LMX1B: variants seen among roughly 807,000 people sequenced by gnomAD.
LMX1B encodes the protein LIM homeobox transcription factor 1 beta, also known as LIM homeobox transcription factor 1-beta.
A neutral mutation model predicts 51.4 loss-of-function variants in LMX1B; 12 were observed. The ratio of observed to expected loss-of-function variants is 0.23; its 90% CI spans 0.15 to 0.38. LMX1B has a LOEUF of 0.38. LMX1B is among the 10% of genes least tolerant of loss of function. The pLI, the probability that LMX1B is intolerant of heterozygous loss-of-function variation, is 1.00. For synonymous variants in LMX1B, 237 were observed against 235.4 expected (o/e 1.01, Z -0.06); for missense variants, 445 against 571.1 (o/e 0.78, Z 2.25).
rs1272760472 is a variant in LMX1B at position 126,698,518 on chromosome 9, G to C, written c.*2067G>C. 1 of 152,270 alleles carries C rather than the reference G, an allele frequency of 6.6e-6. No homozygotes were observed. The highest frequency in any genetic ancestry group is 1.5e-5 in the Non-Finnish European group (1 of 68,080). The allele number at this position is 152,270 out of a possible 1,614,324, so 9.4% of individuals were successfully genotyped here. A position where few individuals can be genotyped will look rare whatever the true frequency, so the allele number is the denominator to read the frequency against. On this transcript the variant is annotated 3_prime_UTR_variant, in exon 8 of 8. Coordinates refer to ENST00000373474, the MANE Select transcript of LMX1B (RefSeq NM_001174147.2). Reference sequence around the variant, plus strand: ...TGCACTAGATCCATCCCCAGCCCCAGTCTGCTCAACTCTATCCCTGTCAGA... The same window carrying C: ...TGCACTAGATCCATCCCCAGCCCCACTCTGCTCAACTCTATCCCTGTCAGA...
intron 2 of LMX1B, among the ~76,000 whole-genome samples, chr9:126,660,941 TCAGAA>T (rs1836232153): frequency 6.6e-6 from 1 of 151,612 alleles, no homozygotes; most frequent in Admixed American, 6.6e-5. Flanking sequence ...TGCTGGAGAG[TCAGAA>T]CAGGAGTGCT....
rs896398112 is a variant in LMX1B, at chr9:126,641,806, C to G, written c.326+26237C>G. Among the ~76,000 whole-genome samples, 1 of 152,198 alleles carries G rather than the reference C, an allele frequency of 6.6e-6. No homozygotes were observed. The highest frequency in any genetic ancestry group is 1.5e-5 in the Non-Finnish European group (1 of 68,030). On this transcript the variant is annotated intron_variant, in intron 2 of 7. Coordinates refer to ENST00000373474, the MANE Select transcript of LMX1B (RefSeq NM_001174147.2). The surrounding 1 kb of genome is among the most constrained non-coding windows in gnomAD (Gnocchi z 4.1). Reference sequence around the variant, plus strand: ...CCTTCCACACAGCTGCTGTCCACAGCACCCAGCCTCTTGCCACTCACGCGT... The same window carrying G: ...CCTTCCACACAGCTGCTGTCCACAGGACCCAGCCTCTTGCCACTCACGCGT...
At chr9:126,627,156 T>A (rs1301480577) in intron 2 of LMX1B, among the ~76,000 whole-genome samples, 3 of 152,224 alleles carry the variant, frequency 2.0e-5, no homozygotes, top group African/African-American at 7.2e-5. Flanking sequence ...CAGAGTGGCC[T>A]CTGAGTAGGG....
intron 2 of LMX1B, among the ~76,000 whole-genome samples, chr9:126,686,432 G>A (rs2029886648): frequency 6.6e-6 from 1 of 152,200 alleles, no homozygotes; most frequent in Admixed American, 6.5e-5. Context: ...AGGATATGGA[G>A]ATATCTTCTC....
At chr9:126,684,155 A>G (rs1290521348) in intron 2 of LMX1B, among the ~76,000 whole-genome samples, 1 of 152,156 alleles carries the variant, frequency 6.6e-6, no homozygotes, top group Admixed American at 6.5e-5. Flanking sequence ...GGAGGGAGGA[A>G]GGTGTTTCCA....
chr9:126,620,178 C>G (rs2118835368), intron 2 of LMX1B, among the ~76,000 whole-genome samples: 1 of 152,314 alleles, frequency 6.6e-6, no homozygotes, highest in South Asian at 2.1e-4. Context: ...CCATGAGCCT[C>G]TCCATGCAGG....
intron 2 of LMX1B, among the ~76,000 whole-genome samples, chr9:126,647,636 G>A (rs1400841455): frequency 6.6e-6 from 1 of 152,200 alleles, no homozygotes; most frequent in Non-Finnish European, 1.5e-5. Flanking sequence ...GTGCTTCAGG[G>A]GGAAATCCAT....
rs956186929 is a variant in LMX1B at position 126,649,828 on chromosome 9, A to G, written c.326+34259A>G. ...TTTTGTGTAGAGACCAGGTTTCGCC[A>G]TCTTTCCCAGGCTAGTCTCAAACTC... On this transcript the variant is annotated intron_variant, in intron 2 of 7. Transcript: ENST00000373474. Among the ~76,000 whole-genome samples, 2 of 152,068 alleles carry G rather than the reference A, an allele frequency of 1.3e-5. 1 individual carries two copies. The highest frequency in any genetic ancestry group is 4.2e-4 in the South Asian group (2 of 4,814).
chr9:126,628,121 C>T (rs957151938), intron 2 of LMX1B, among the ~76,000 whole-genome samples: 1 of 152,222 alleles, frequency 6.6e-6, no homozygotes, highest in African/African-American at 2.4e-5. Context: ...AGGACAGTGC[C>T]ACATCCCACC....
At chr9:126,652,079 C>A (rs1222182112) in intron 2 of LMX1B, among the ~76,000 whole-genome samples, 1 of 151,730 alleles carries the variant, frequency 6.6e-6, no homozygotes, top group Non-Finnish European at 1.5e-5. Flanking sequence ...AGGGTCCTCA[C>A]AACAGAGATC....
intron 2 of LMX1B, among the ~76,000 whole-genome samples, chr9:126,643,145 C>G (rs1332932708): frequency 6.6e-6 from 1 of 152,146 alleles, no homozygotes; most frequent in Non-Finnish European, 1.5e-5. Context: ...GACTTGTGTG[C>G]ACAGCTGGGG....
intron 7 of LMX1B, 65 bp downstream of exon 7, chr9:126,696,068 G>A (rs1190573158): frequency 7.9e-7 from 1 of 1,273,818 alleles, no homozygotes; most frequent in East Asian, 3.6e-5. Context: ...GGCCAGGCAG[G>A]CCTGGGGCCA....
In LMX1B at chr9:126,692,843, G is replaced by A. The variant is rs562320184; in HGVS notation, c.560-299G>A. On this transcript the variant is annotated intron_variant, in intron 3 of 7. Coordinates refer to ENST00000373474, the MANE Select transcript of LMX1B (RefSeq NM_001174147.2). ...GTGCATGCCTGTGCTGTGGTTGTCCGAGGCGCACCTGTGTGAGTTCCTGTG... is the reference window on the plus strand; with the variant it reads ...GTGCATGCCTGTGCTGTGGTTGTCCAAGGCGCACCTGTGTGAGTTCCTGTG... 8.5e-5 allele frequency among the ~76,000 whole-genome samples: 13 copies of A among 152,356 alleles called. No homozygotes were observed. The East Asian group carries it at 1.9e-3, about 23-fold the overall frequency.
intron 2 of LMX1B, among the ~76,000 whole-genome samples, chr9:126,667,072 A>G (rs994727088): frequency 6.6e-6 from 1 of 152,226 alleles, no homozygotes; most frequent in Admixed American, 6.5e-5. Context: ...GCAGAAGTCA[A>G]ACAAAATGGG....
intron 2 of LMX1B, among the ~76,000 whole-genome samples, chr9:126,657,150 A>G (rs899156219): frequency 1.3e-5 from 2 of 152,236 alleles, no homozygotes; most frequent in Non-Finnish European, 2.9e-5. Flanking sequence ...ATTTTGAAAA[A>G]GTAAAATAAG....
Position 126,652,868 on chromosome 9 carries a change from A to G in LMX1B, c.326+37299A>G, listed in dbSNP as rs186364811. ...GGACAATGGGGAAGAGGCTCCATGG[A>G]TGCTGAGGTGTAGCCCCAGCGGGTG... is the stretch of plus-strand genomic sequence containing the variant. On this transcript the variant is annotated intron_variant, in intron 2 of 7. Coordinates refer to ENST00000373474, the MANE Select transcript of LMX1B (RefSeq NM_001174147.2). 6.6e-3 allele frequency among the ~76,000 whole-genome samples: 1,007 copies of G among 152,282 alleles called. 20 individuals are homozygous for G. The highest frequency in any genetic ancestry group is 0.023 in the African/African-American group (968 of 41,562).
At chr9:126,660,329 A>G (rs1252823394) in intron 2 of LMX1B, among the ~76,000 whole-genome samples, 1 of 151,930 alleles carries the variant, frequency 6.6e-6, no homozygotes, top group Non-Finnish European at 1.5e-5. Context: ...GTGTGTGTCT[A>G]CGCTGGCCTT....
chr9:126,643,934 G>A (rs1835853269), intron 2 of LMX1B, among the ~76,000 whole-genome samples: 1 of 152,214 alleles, frequency 6.6e-6, no homozygotes, highest in Non-Finnish European at 1.5e-5. Context: ...TGAGGAAACT[G>A]AGGCTCGGGG....
Position 126,699,608 on chromosome 9 carries a change from G to C in LMX1B, c.*3157G>C, listed in dbSNP as rs1376984305. On this transcript the variant is annotated 3_prime_UTR_variant, in exon 8 of 8. Transcript: ENST00000373474. Reference sequence around the variant, plus strand: ...CCAGTGCCCACTCTGCCCAGCCCCGGACTGGGTGTGGCTCGCAGATGAACA... The same window carrying C: ...CCAGTGCCCACTCTGCCCAGCCCCGCACTGGGTGTGGCTCGCAGATGAACA... 1 of 152,614 alleles carries C rather than the reference G, an allele frequency of 6.6e-6. No homozygotes were observed. Among genetic ancestry groups the C allele is most frequent in the Non-Finnish European group, 1.5e-5 (1 of 68,422 alleles). The allele number at this position is 152,614 out of a possible 1,614,324, so 9.5% of individuals were successfully genotyped here. A position where few individuals can be genotyped will look rare whatever the true frequency, so the allele number is the denominator to read the frequency against.
Sources: allele counts gnomAD v4.1 joint callset (sites outside exome capture counted in the v4.1 genomes callset), GRCh38; gene constraint gnomAD v4.1.1; non-coding constraint Gnocchi (gnomAD v3.1); transcripts MANE v1.5; gene names NCBI Gene and HGNC (gene_info 2026-07-23, HGNC 2026-07-21).